The following BPTF variants were observed in gnomAD, a reference collection of about 807,000 sequenced individuals.
BPTF encodes nucleosome-remodeling factor subunit BPTF.
In BPTF, 18 loss-of-function variants were observed where a neutral mutation model predicts 292.5. The observed-to-expected ratio is 0.06, with a 90% confidence interval of 0.04 to 0.09. The LOEUF (loss-of-function observed/expected upper bound fraction) is 0.09. Ranked by LOEUF, BPTF falls within the 10% of genes least tolerant of loss-of-function variation. The pLI is 1.00. For missense variants in BPTF, 2,726 were observed against 3,498.7 expected (o/e 0.78, Z 5.57); for synonymous variants, 1,225 against 1,251.9 (o/e 0.98, Z 0.45).
At chr17:67,952,163 A>G (rs1390171298) in intron 23 of BPTF, among the ~76,000 whole-genome samples, 1 of 151,132 alleles carries the variant, frequency 6.6e-6, no homozygotes, top group African/African-American at 2.4e-5. Flanking sequence ...TCAAATATGT[A>G]TATGTACTGG....
rs145870742 is a variant in BPTF, at chr17:67,928,487, A to G, written c.5884A>G (p.Thr1962Ala). Residue 1962 changes from threonine (T) to alanine (A), a missense_variant, in exon 16 of 28, where the codon ACC becomes GCC. Around this residue, in one of 22 missense-constraint regions of BPTF, gnomAD observed 198 missense variants for 277.1 expected, o/e 0.71. Coordinates refer to ENST00000306378, the MANE Select transcript of BPTF (RefSeq NM_182641.4). Reference sequence around the variant, plus strand: ...CATAAGTGGCTCAGTTACAACTGGAACCAAAATGGTACTAACTACTAAAGT... The same window carrying G: ...CATAAGTGGCTCAGTTACAACTGGAGCCAAAATGGTACTAACTACTAAAGT... ...APISGSVTTG[T>A]KMVLTTKVGS... 39 of 1,614,186 alleles carry G rather than the reference A, an allele frequency of 2.4e-5. No individual in the cohort carries two copies. In the African/African-American group the frequency reaches 5.1e-4, roughly 21 times the overall value.
At chr17:67,839,499 C>G (rs2057391464) in intron 1 of BPTF, among the ~76,000 whole-genome samples, 1 of 152,166 alleles carries the variant, frequency 6.6e-6, no homozygotes, top group African/African-American at 2.4e-5. Context: ...TACATTCCTG[C>G]AGCAAACCTC....
chr17:67,855,321 A>G (rs894475402), intron 2 of BPTF, among the ~76,000 whole-genome samples: 1 of 152,124 alleles, frequency 6.6e-6, no homozygotes, highest in Non-Finnish European at 1.5e-5. Context: ...AAATAAACAA[A>G]AAGTTTCTAG....
In BPTF at chr17:67,893,874, CT is replaced by C. The variant is rs1283295932; in HGVS notation, c.2411+151del. 138 of 1,146,648 alleles carry C rather than the reference CT, an allele frequency of 1.2e-4. No homozygotes were observed. In the African/African-American group the frequency reaches 2.0e-3, roughly 17 times the overall value. The allele number at this position is 1,146,648 out of a possible 1,614,324, so 71.0% of individuals were successfully genotyped here. On this transcript the variant is annotated intron_variant, in intron 6 of 27. Coordinates refer to ENST00000306378, the MANE Select transcript of BPTF (RefSeq NM_182641.4). Reference sequence around the variant, plus strand: ...ACAGGACATTAGAGGCATGAGTGTACTTCTAACTTACTGAACCGACACCACT... The same window carrying C: ...ACAGGACATTAGAGGCATGAGTGTACTCTAACTTACTGAACCGACACCACT...
intron 9 of BPTF, among the ~76,000 whole-genome samples, chr17:67,905,253 A>G (rs1222409105): frequency 6.6e-6 from 1 of 151,844 alleles, no homozygotes; most frequent in Non-Finnish European, 1.5e-5. Context: ...TACTAAAAAT[A>G]CAAAATTTGC....
chr17:67,882,062 T>TGAC (rs2060462815), intron 4 of BPTF, among the ~76,000 whole-genome samples: 1 of 152,060 alleles, frequency 6.6e-6, no homozygotes, highest in African/African-American at 2.4e-5. Flanking sequence ...CTCGAACTCC[T>TGAC]GACCTCAGGT....
At chr17:67,869,950 C>T (rs554411710) in intron 3 of BPTF, among the ~76,000 whole-genome samples, 2 of 144,818 alleles carry the variant, frequency 1.4e-5, no homozygotes, top group African/African-American at 2.6e-5. Flanking sequence ...TGCAGTGAGC[C>T]GAGTGAGCCA....
At position 67,970,507 on chromosome 17, in the gene BPTF, G is replaced by A. The variant is rs375367797; in HGVS notation, c.8539+3851G>A. Among the ~76,000 whole-genome samples the A allele has an allele frequency of 7.9e-5, 12 of 152,288 alleles. No individual in the cohort carries two copies. The South Asian group carries it at 2.3e-3, about 29-fold the overall frequency. On this transcript the variant is annotated intron_variant, in intron 26 of 27. Coordinates refer to ENST00000306378, the MANE Select transcript of BPTF (RefSeq NM_182641.4). The stretch of plus-strand genomic sequence containing the variant: ...ATAATATAGATCTCTAAAACGTATT[G>A]TTGGGAAAAGAAGTGAAAGTTACAG...
intron 26 of BPTF, among the ~76,000 whole-genome samples, chr17:67,973,360 C>T (rs1166757257): frequency 6.7e-6 from 1 of 149,808 alleles, no homozygotes; most frequent in East Asian, 2.0e-4. Context: ...GGCGACAGAG[C>T]GAGACTGTCT....
rs1282469102 is a variant in BPTF, at chr17:67,931,934, C to T, written c.6174C>T (p.Arg2058=). ...NSQVITGPQI[R]PGMTVIRTPL... The stretch of plus-strand genomic sequence containing the variant: ...AGGTAATCACAGGGCCTCAGATTCG[C>T]CCTGGTATGACCGTGATTAGAACAC... The change falls in exon 18 of 28, where the codon CGC becomes CGT. Residue 2058 remains arginine (R), a synonymous_variant. Coordinates refer to ENST00000306378, the MANE Select transcript of BPTF (RefSeq NM_182641.4). The T allele has an allele frequency of 5.0e-6, 8 of 1,613,780 alleles. No homozygotes were observed. Among genetic ancestry groups the T allele is most frequent in the Admixed American group, 1.7e-5 (1 of 59,912 alleles).
chr17:67,923,471 C>CTTTTTTTTTTTTTT (rs58462646), intron 14 of BPTF, among the ~76,000 whole-genome samples: 2 of 67,516 alleles, frequency 3.0e-5, no homozygotes, highest in African/African-American at 5.9e-5. Flanking sequence ...CTCTCTCTGT[C>CTTTTTTTTTTTTTT]TTTTTTTTTT....
At chr17:67,969,565 TTCG>T (rs2068538580) in intron 26 of BPTF, among the ~76,000 whole-genome samples, 1 of 136,086 alleles carries the variant, frequency 7.3e-6, no homozygotes, top group African/African-American at 2.9e-5. Context: ...GTAAATCTTC[TTCG>T]AAAACCCATG....
chr17:67,864,435 T>C (rs932180810), intron 2 of BPTF, among the ~76,000 whole-genome samples: 4 of 146,606 alleles, frequency 2.7e-5, no homozygotes, highest in African/African-American at 1.0e-4. Flanking sequence ...GGCTGAGGCA[T>C]GAGAAGTGCT....
At chr17:67,950,024 A>G (rs1555677688) in intron 23 of BPTF, among the ~76,000 whole-genome samples, 5 of 145,724 alleles carry the variant, frequency 3.4e-5, no homozygotes, top group Non-Finnish European at 3.0e-5. Flanking sequence ...ACTGCACTCC[A>G]ACCTGGGCAA....
At chr17:67,928,247 A>G in intron 15 of BPTF, 108 bp from the exon 16 acceptor site, 1 of 1,161,136 alleles carries the variant, frequency 8.6e-7, no homozygotes, top group Non-Finnish European at 1.2e-6. Flanking sequence ...TCAGAAATGT[A>G]GTGGAATTTC....
intron 23 of BPTF, chr17:67,957,367 T>C (rs2067060099): frequency 6.6e-6 from 1 of 152,190 alleles, no homozygotes; most frequent in Admixed American, 6.5e-5. Context: ...TGAAATGTTT[T>C]GGGAATATTT....
chr17:67,865,806 T>C (rs1215340642), intron 2 of BPTF, among the ~76,000 whole-genome samples: 1 of 151,716 alleles, frequency 6.6e-6, no homozygotes, highest in Non-Finnish European at 1.5e-5. Flanking sequence ...CTTAGGAGAG[T>C]TTTAGGCAGG....
At position 67,940,500 on chromosome 17, in the gene BPTF, C is replaced by T. The variant is rs201847622; in HGVS notation, c.6321C>T (p.Ser2107=). 40 of 1,614,072 alleles carry T rather than the reference C, an allele frequency of 2.5e-5. No individual in the cohort carries two copies. The highest frequency in any genetic ancestry group is 1.1e-4 in the African/African-American group (8 of 74,996). ...IRGQPVSTAV[S]APNTVSSTPG... The stretch of plus-strand genomic sequence containing the variant: ...GGCAGCCTGTCTCCACTGCAGTCTC[C>T]GCCCCTAACACGGTTTCCTCAACAC... Residue 2107 remains serine (S), a synonymous_variant, in exon 19 of 28, where the codon TCC becomes TCT. Coordinates refer to ENST00000306378, the MANE Select transcript of BPTF (RefSeq NM_182641.4).
At chr17:67,896,601 G>A (rs1011265692) in intron 7 of BPTF, among the ~76,000 whole-genome samples, 4 of 152,226 alleles carry the variant, frequency 2.6e-5, no homozygotes, top group African/African-American at 9.6e-5. Context: ...AAAAGCATGT[G>A]TGATAACACA....
Sources: gnomAD v4.1 joint callset for allele counts (sites outside exome capture counted in the v4.1 genomes callset) on GRCh38, gnomAD v4.1.1 for gene constraint, gnomAD v4.1.1 regional missense constraint, MANE v1.5 for transcripts, NCBI Gene and HGNC (gene_info 2026-07-23, HGNC 2026-07-21) for gene names.